The following CNTN6 variants were observed in gnomAD, a reference collection of about 807,000 sequenced individuals.
CNTN6 encodes the protein contactin-6.
In CNTN6, 137 loss-of-function variants were observed where a neutral mutation model predicts 122.8. The ratio of observed to expected loss-of-function variants is 1.12; its 90% CI spans 0.97 to 1.29. The LOEUF (loss-of-function observed/expected upper bound fraction) is 1.29, where lower values mean the gene tolerates loss of function less well. CNTN6 is among the 50% of genes most tolerant of loss of function. The pLI is 0.00. For missense variants in CNTN6, 1,634 were observed against 1,223.4 expected, an observed-to-expected ratio of 1.34 and a Z score of -5.01; for synonymous variants, 570 against 426.0, an observed-to-expected ratio of 1.34 and a Z score of -4.16.
chr3:1,169,722 A>C (rs1453340413), intron 2 of CNTN6, among the ~76,000 whole-genome samples: 1 of 152,180 alleles, frequency 6.6e-6, no homozygotes, highest in Admixed American at 6.5e-5. Context: ...AATTATGTAG[A>C]TAGCCTGCAA....
Position 1,142,599 on chromosome 3 carries a change from C to T in CNTN6, c.-82-5328C>T, listed in dbSNP as rs115912971. Reference sequence around the variant, plus strand: ...TCAGCAAAAGAAAATTCCAGAAGCTCGAAAGCCAGAAAGGGTCAGATAATA... The same window carrying T: ...TCAGCAAAAGAAAATTCCAGAAGCTTGAAAGCCAGAAAGGGTCAGATAATA... On this transcript the variant is annotated intron_variant, in intron 1 of 22. Coordinates refer to ENST00000446702, the MANE Select transcript of CNTN6 (RefSeq NM_001289080.2). Among the ~76,000 whole-genome samples the T allele has an allele frequency of 5.7e-3, 865 of 152,144 alleles. 8 individuals are homozygous for T. Among genetic ancestry groups the T allele is most frequent in the Non-Finnish European group, 9.3e-3 (633 of 67,988 alleles).
intron 11 of CNTN6, among the ~76,000 whole-genome samples, chr3:1,346,529 C>G (rs568738647): frequency 6.6e-6 from 1 of 152,234 alleles, no homozygotes; most frequent in Non-Finnish European, 1.5e-5. Flanking sequence ...CTTACTTCCC[C>G]TCTTGCCATG....
intron 2 of CNTN6, among the ~76,000 whole-genome samples, chr3:1,150,851 A>G (rs1430842940): frequency 2.0e-5 from 3 of 152,186 alleles, no homozygotes; most frequent in Non-Finnish European, 2.9e-5. Flanking sequence ...AGATTGTAAG[A>G]AGGAGGCAGA....
At position 1,327,736 on chromosome 3, in the gene CNTN6, A is replaced by C. The variant is rs1701739514; in HGVS notation, c.1213+150A>C. On this transcript the variant is annotated intron_variant, in intron 10 of 22. Coordinates refer to ENST00000446702, the MANE Select transcript of CNTN6 (RefSeq NM_001289080.2). ...TCTAAATTAACTTTTTACAAAATTC[A>C]AGGTGGTAATTATTATTCTGCTTGG... The C allele has an allele frequency of 1.1e-5, 10 of 875,560 alleles. No homozygotes were observed. The Admixed American group carries it at 2.6e-4, about 23-fold the overall frequency. The allele number at this position is 875,560 out of a possible 1,614,324, so 54.2% of individuals were successfully genotyped here. A position where few individuals can be genotyped will look rare whatever the true frequency, so the allele number is the denominator to read the frequency against.
chr3:1,281,057 C>G (rs1326865117), intron 5 of CNTN6, among the ~76,000 whole-genome samples: 2 of 152,134 alleles, frequency 1.3e-5, no homozygotes, highest in African/African-American at 2.4e-5. Flanking sequence ...CCCACAAAAG[C>G]TGAAGTCAGT....
At chr3:1,341,939 C>A (rs943129211) in intron 11 of CNTN6, among the ~76,000 whole-genome samples, 24 of 152,042 alleles carry the variant, frequency 1.6e-4, no homozygotes, top group African/African-American at 5.6e-4. Context: ...TCTAGGTAAC[C>A]CCTCTGAACA....
At chr3:1,301,187 C>T (rs1354104173) in intron 7 of CNTN6, among the ~76,000 whole-genome samples, 2 of 151,936 alleles carry the variant, frequency 1.3e-5, no homozygotes, top group Non-Finnish European at 2.9e-5. Flanking sequence ...CAGGCACCTG[C>T]CACCACACCC....
At chr3:1,341,717 T>C (rs78897406) in intron 11 of CNTN6, among the ~76,000 whole-genome samples, 2,229 of 152,282 alleles carry the variant, frequency 0.015, 70 homozygotes, top group African/African-American at 0.05. Context: ...CACATTATGA[T>C]AAATTTAGAG....
At chr3:1,180,318 A>C (rs2093531031) in intron 2 of CNTN6, among the ~76,000 whole-genome samples, 1 of 152,226 alleles carries the variant, frequency 6.6e-6, no homozygotes, top group Non-Finnish European at 1.5e-5. Flanking sequence ...GGTATTCATA[A>C]TACTTTCCAT....
intron 7 of CNTN6, among the ~76,000 whole-genome samples, chr3:1,305,111 T>C (rs1384694638): frequency 2.0e-5 from 3 of 152,150 alleles, no homozygotes; most frequent in Non-Finnish European, 4.4e-5. Context: ...TATTATTTTA[T>C]AGATGATGAT....
chr3:1,401,653 T>C (rs552323221), intron 21 of CNTN6, 108 bp downstream of exon 21: 253 of 682,412 alleles, frequency 3.7e-4, no homozygotes, highest in Non-Finnish European at 5.9e-4. Flanking sequence ...CACTGGAATC[T>C]TTTTCAAAAT....
chr3:1,387,709 C>T (rs953367141), intron 20 of CNTN6, among the ~76,000 whole-genome samples: 49 of 152,250 alleles, frequency 3.2e-4, no homozygotes, highest in Admixed American at 5.2e-4. Context: ...GTGAGCGCAC[C>T]GTGCGCAAGC....
chr3:1,276,508 G>A (rs75348318), intron 4 of CNTN6, among the ~76,000 whole-genome samples: 1,806 of 152,198 alleles, frequency 0.012, 26 homozygotes, highest in Non-Finnish European at 0.02. Context: ...CATAGCTCAC[G>A]ATATGCTGCT....
At chr3:1,236,987 A>C (rs1485911250) in intron 4 of CNTN6, among the ~76,000 whole-genome samples, 1 of 151,976 alleles carries the variant, frequency 6.6e-6, no homozygotes, top group Non-Finnish European at 1.5e-5. Context: ...AGGCTGAGGT[A>C]GGAGAATGGC....
chr3:1,245,492 A>G (rs530906524), intron 4 of CNTN6, among the ~76,000 whole-genome samples: 1 of 149,136 alleles, frequency 6.7e-6, no homozygotes, highest in Non-Finnish European at 1.5e-5. Flanking sequence ...AGCTATGTGT[A>G]CACAAAGCAT....
At chr3:1,135,391 T>C (rs576017480) in intron 1 of CNTN6, among the ~76,000 whole-genome samples, 12 of 152,078 alleles carry the variant, frequency 7.9e-5, no homozygotes, top group Non-Finnish European at 1.6e-4. Context: ...GGTCCAATTG[T>C]CCAGGGGCTG....
chr3:1,374,164 T>G, intron 16 of CNTN6, 91 bp downstream of exon 16: 23 of 1,338,500 alleles, frequency 1.7e-5, no homozygotes, highest in Non-Finnish European at 2.2e-5. Flanking sequence ...CTTCTAATAC[T>G]TTTGGCTCAA....
At chr3:1,313,888 C>T (rs1030510747) in intron 7 of CNTN6, among the ~76,000 whole-genome samples, 1 of 151,938 alleles carries the variant, frequency 6.6e-6, no homozygotes, top group Non-Finnish European at 1.5e-5. Flanking sequence ...GCTGTGTCCT[C>T]GCATGGTGGA....
chr3:1,210,905 C>T (rs1372365849), intron 2 of CNTN6, among the ~76,000 whole-genome samples: 1 of 152,196 alleles, frequency 6.6e-6, no homozygotes, highest in Non-Finnish European at 1.5e-5. Context: ...TTTAATGGCA[C>T]TTTCCTTTTG....
Sources: allele counts gnomAD v4.1 joint callset (sites outside exome capture counted in the v4.1 genomes callset), GRCh38; gene constraint gnomAD v4.1.1; transcripts MANE v1.5; gene names NCBI Gene and HGNC (gene_info 2026-07-23, HGNC 2026-07-21).